Variants in ZNF382 observed in about 807,000 individuals in gnomAD.
The protein encoded by ZNF382 is zinc finger protein 382, also known as KRAB/zinc finger suppressor protein 1.
Under a neutral mutation model 38.8 loss-of-function variants are expected in ZNF382, and 20 were observed. The ratio of observed to expected loss-of-function variants is 0.51; its 90% CI spans 0.36 to 0.75. The LOEUF is 0.75. ZNF382 is among the 30% of genes least tolerant of loss of function. The pLI, the probability that ZNF382 is intolerant of heterozygous loss-of-function variation, is 0.00. For synonymous variants in ZNF382, 202 were observed against 223.1 expected, an observed-to-expected ratio of 0.91 and a Z score of 0.84; for missense variants, 546 against 654.1, an observed-to-expected ratio of 0.83 and a Z score of 1.80.
intron 4 of ZNF382, among the ~76,000 whole-genome samples, chr19:36,618,576 T>C (rs545137628): frequency 2.0e-5 from 3 of 152,364 alleles, no homozygotes; most frequent in Non-Finnish European, 4.4e-5. Flanking sequence ...ACTGAGAACA[T>C]ATACCTGGCT....
rs2037070660 is a variant in ZNF382, at chr19:36,610,719, T to A, written c.209T>A (p.Ile70Asn). The change falls in exon 4 of 5, where the codon ATT becomes AAT. Residue 70 changes from isoleucine to asparagine, a missense_variant. Ile to Asn is a moderately radical substitution (Grantham distance 149). Coordinates refer to ENST00000292928, the MANE Select transcript of ZNF382 (RefSeq NM_032825.5). The stretch of plus-strand genomic sequence containing the variant: ...GGAGAAGAGCTATGGACACAGAGAA[T>A]TTTTCCAAGTTACAGCTACCTAGGT... ...EQGEELWTQR[I>N]FPSYSYLEED... 6.2e-7 allele frequency: 1 copy of A among 1,612,976 alleles called. No homozygotes were observed. Among genetic ancestry groups the A allele is most frequent in the Non-Finnish European group, 8.5e-7 (1 of 1,179,380 alleles).
chr19:36,610,182 A>C (rs957222197), intron 3 of ZNF382, 129 bp downstream of exon 3: 1 of 1,149,868 alleles, frequency 8.7e-7, no homozygotes, highest in Non-Finnish European at 1.2e-6. Context: ...ATTGCCAGGC[A>C]CAGTGGCTCA....
chr19:36,623,077 C>T (rs962139246), intron 4 of ZNF382, among the ~76,000 whole-genome samples: 1 of 152,040 alleles, frequency 6.6e-6, no homozygotes, highest in Non-Finnish European at 1.5e-5. Context: ...AATCATTCCC[C>T]AAAATAAGGT....
chr19:36,622,035 T>TC (rs1426788162), intron 4 of ZNF382, among the ~76,000 whole-genome samples: 1 of 151,594 alleles, frequency 6.6e-6, no homozygotes, highest in African/African-American at 2.4e-5. Flanking sequence ...TTTTTTTTTT[T>TC]TTTTGAGAGA....
Position 36,610,065 on chromosome 19 carries a change from T to A in ZNF382, c.139+12T>A. 1 of 1,612,508 alleles carries A rather than the reference T, an allele frequency of 6.2e-7. No homozygotes were observed. The highest frequency in any genetic ancestry group is 8.5e-7 in the Non-Finnish European group (1 of 1,179,520). The stretch of plus-strand genomic sequence containing the variant: ...CTTCGTATCTGTGGGTAAGAAACAC[T>A]CCTGAATCTTTCACTGTCATGCATC... On this transcript the variant is annotated intron_variant, in intron 3 of 4. Coordinates refer to ENST00000292928, the MANE Select transcript of ZNF382 (RefSeq NM_032825.5).
chr19:36,607,511 A>G, intron 1 of ZNF382, 41 bp from the exon 2 acceptor site: 2 of 1,207,368 alleles, frequency 1.7e-6, no homozygotes, highest in South Asian at 1.3e-5. Context: ...TGAGTCAAGT[A>G]TGGTCTCACA....
At chr19:36,609,868 A>G in intron 2 of ZNF382, 34 bp from the exon 3 acceptor site, 2 of 1,551,286 alleles carry the variant, frequency 1.3e-6, no homozygotes, top group South Asian at 1.2e-5. Context: ...TAGGTCTCCA[A>G]TATCTAGTTC....
chr19:36,614,836 G>A (rs763489465), intron 4 of ZNF382, among the ~76,000 whole-genome samples: 1 of 151,902 alleles, frequency 6.6e-6, no homozygotes, highest in Non-Finnish European at 1.5e-5. Context: ...GCTTGAACCC[G>A]GGAGTCGGAG....
At chr19:36,620,162 C>A (rs184642516) in intron 4 of ZNF382, among the ~76,000 whole-genome samples, 1 of 152,180 alleles carries the variant, frequency 6.6e-6, no homozygotes, top group African/African-American at 2.4e-5. Flanking sequence ...CTGAGTCTCA[C>A]ATCCCATTCT....
rs2037062476 is a variant in ZNF382, at chr19:36,609,765, A to G, written c.-13-137A>G. On this transcript the variant is annotated intron_variant, in intron 2 of 4. Transcript: ENST00000292928. ...TCAGTATGTTTAGCATGAGATTATA[A>G]GTAAATACAAATGGATGTATTTTCA... The G allele has an allele frequency of 3.8e-6, 3 of 793,948 alleles. No individual in the cohort carries two copies. The South Asian group carries it at 6.9e-5, about 18-fold the overall frequency. The allele number at this position is 793,948 out of a possible 1,614,324, so 49.2% of individuals were successfully genotyped here. A position where few individuals can be genotyped will look rare whatever the true frequency, so the allele number is the denominator to read the frequency against.
intron 4 of ZNF382, among the ~76,000 whole-genome samples, chr19:36,621,054 C>T (rs1369871008): frequency 2.0e-5 from 3 of 151,966 alleles, no homozygotes; most frequent in Admixed American, 6.6e-5. Context: ...CCACCACGCC[C>T]GGCCTGTTCC....
intron 4 of ZNF382, among the ~76,000 whole-genome samples, 156 bp from the exon 5 acceptor site, chr19:36,625,974 A>G (rs900987684): frequency 6.6e-6 from 1 of 152,100 alleles, no homozygotes; most frequent in Admixed American, 6.6e-5. Flanking sequence ...CAAGATTTGT[A>G]TTTATGTTTA....
rs2037227260 is a variant in ZNF382, at chr19:36,627,710, A to ACACACACAC, written c.*160_*161insCACACACAC. On this transcript the variant is annotated 3_prime_UTR_variant, in exon 5 of 5. Transcript: ENST00000292928. ...CACACACACACACACACACACACAC[A>ACACACACAC]AATATTATTAGACAAATTAGATGAC... 2 of 547,922 alleles carry ACACACACAC rather than the reference A, an allele frequency of 3.7e-6. No individual in the cohort carries two copies. Among genetic ancestry groups the ACACACACAC allele is most frequent in the African/African-American group, 3.8e-5 (2 of 53,030 alleles). The allele number at this position is 547,922 out of a possible 1,614,324, so 33.9% of individuals were successfully genotyped here.
rs2037255930 is a variant in ZNF382 at position 36,631,819 on chromosome 19, T to C, written c.*4269T>C. 6.6e-6 allele frequency: 1 copy of C among 152,174 alleles called. No homozygotes were observed. The highest frequency in any genetic ancestry group is 2.4e-5 in the African/African-American group (1 of 41,426). The allele number at this position is 152,174 out of a possible 1,614,324, so 9.4% of individuals were successfully genotyped here. A position where few individuals can be genotyped will look rare whatever the true frequency, so the allele number is the denominator to read the frequency against. On this transcript the variant is annotated 3_prime_UTR_variant, in exon 5 of 5. Coordinates refer to ENST00000292928, the MANE Select transcript of ZNF382 (RefSeq NM_032825.5). ...TTTGGGCAACTCTAAGGAGCAAACA[T>C]GTTTATAGAATCTAAGTCAACTTGA...
At position 36,612,780 on chromosome 19, in the gene ZNF382, C is replaced by T. The variant is rs567686205; in HGVS notation, c.232+2038C>T. ...ATCTGTTCAAGTGTTTTGTTTGTTTCTTTGTTCGTTTGTTTGTTTGATAAT... is the reference window on the plus strand; with the variant it reads ...ATCTGTTCAAGTGTTTTGTTTGTTTTTTTGTTCGTTTGTTTGTTTGATAAT... On this transcript the variant is annotated intron_variant, in intron 4 of 4. Transcript: ENST00000292928. Among the ~76,000 whole-genome samples, 250 of 152,006 alleles carry T rather than the reference C, an allele frequency of 1.6e-3. 1 individual carries two copies. In the South Asian group the frequency reaches 0.021, roughly 13 times the overall value.
rs2145336413 is a variant in ZNF382 at position 36,626,685 on chromosome 19, T to C, written c.788T>C (p.Met263Thr). ...CTCAGTGTCCATCCAAGTAATCTTA[T>C]GGAAAAGAAGCCCTCTGCCTACAAC... ...SSLSVHPSNL[M>T]EKKPSAYNKY... Residue 263 changes from methionine (M) to threonine (T), a missense_variant, in exon 5 of 5, where the codon ATG becomes ACG. Physicochemically the swap from Met to Thr is moderately conservative, Grantham distance 81. Transcript: ENST00000292928. 1 of 1,613,946 alleles carries C rather than the reference T, an allele frequency of 6.2e-7. No homozygotes were observed. The highest frequency in any genetic ancestry group is 8.5e-7 in the Non-Finnish European group (1 of 1,180,012).
At chr19:36,614,860 ATTTC>A (rs199859076) in intron 4 of ZNF382, among the ~76,000 whole-genome samples, 24 of 137,314 alleles carry the variant, frequency 1.7e-4, no homozygotes, top group South Asian at 5.1e-4. Context: ...GCAATGAACC[ATTTC>A]TTTCTTTCTT....
chr19:36,619,372 G>C (rs2037150561), intron 4 of ZNF382, among the ~76,000 whole-genome samples: 1 of 152,180 alleles, frequency 6.6e-6, no homozygotes, highest in African/African-American at 2.4e-5. Flanking sequence ...TGGTGCAGGA[G>C]GGCACAGGCC....
In ZNF382 at chr19:36,626,525, C is replaced by T; in HGVS notation, c.628C>T (p.Gln210Ter). 1.2e-6 allele frequency: 2 copies of T among 1,611,374 alleles called. No homozygotes were observed. The highest frequency in any genetic ancestry group is 1.7e-6 in the Non-Finnish European group (2 of 1,179,122). Residue 210 changes from glutamine to a stop codon, truncating the protein, a stop_gained, in exon 5 of 5, where the codon CAA becomes TAA. Transcript: ENST00000292928. LOFTEE classifies it high-confidence loss of function. The part of the protein sequence containing the change: ...IQHQKVQAPE[Q>*]PFDHNECEKS... ...GCATCAGAAGGTTCAAGCTCCAGAGCAACCATTTGACCATAATGAATGTGA... is the reference window on the plus strand; with the variant it reads ...GCATCAGAAGGTTCAAGCTCCAGAGTAACCATTTGACCATAATGAATGTGA...
Sources: allele counts gnomAD v4.1 joint callset (sites outside exome capture counted in the v4.1 genomes callset), GRCh38; gene constraint gnomAD v4.1.1; transcripts MANE v1.5; gene names NCBI Gene and HGNC (gene_info 2026-07-23, HGNC 2026-07-21).